Variants in RHBDD1 observed in about 807,000 individuals in gnomAD.
The protein encoded by RHBDD1 is rhomboid-related protein 4.
RHBDD1 carries 38 observed loss-of-function variants against 36.3 expected under a neutral mutation model. That is an observed-to-expected ratio of 1.05 (90% CI 0.81 to 1.37). The LOEUF is 1.37. RHBDD1 is among the 40% of genes most tolerant of loss of function. The pLI is 0.00. For missense variants in RHBDD1, 393 were observed against 377.6 expected, an observed-to-expected ratio of 1.04 and a Z score of -0.34; for synonymous variants, 151 against 136.5, an observed-to-expected ratio of 1.11 and a Z score of -0.74.
At chr2:226,854,757 A>G (rs1943160805) in intron 3 of RHBDD1, among the ~76,000 whole-genome samples, 1 of 152,128 alleles carries the variant, frequency 6.6e-6, no homozygotes, top group Non-Finnish European at 1.5e-5. Flanking sequence ...TTTTTTCCAT[A>G]AAGAGTATCA....
rs925351404 is a variant in RHBDD1 at position 226,904,422 on chromosome 2, G to T, written c.567-2371G>T. On this transcript the variant is annotated intron_variant, in intron 5 of 8. Transcript: ENST00000392062. ...GTGGCACATCCTGCAAGCGGGGGGG[G>T]AGGGGGGTCAGGGAACTCCTGTTTC... is the stretch of plus-strand genomic sequence containing the variant. Among the ~76,000 whole-genome samples the T allele has an allele frequency of 5.4e-5, 8 of 148,398 alleles. 2 individuals are homozygous for T. The highest frequency in any genetic ancestry group is 8.9e-5 in the Non-Finnish European group (6 of 67,076).
chr2:226,813,601 C>G, the RHBDD1 span, among the ~76,000 whole-genome samples: 3 of 152,238 alleles, frequency 2.0e-5, no homozygotes, highest in Non-Finnish European at 4.4e-5. Context: ...TCACTCCGCT[C>G]TGTCACTTGC....
chr2:226,912,543 G>A (rs570125143), intron 7 of RHBDD1, among the ~76,000 whole-genome samples: 23 of 152,126 alleles, frequency 1.5e-4, no homozygotes, highest in Admixed American at 2.0e-4. Context: ...ATGAAGTACC[G>A]ATAAATGTAA....
intron 8 of RHBDD1, among the ~76,000 whole-genome samples, chr2:226,920,407 G>C (rs1261626852): frequency 6.6e-6 from 1 of 152,026 alleles, no homozygotes; most frequent in Non-Finnish European, 1.5e-5. Flanking sequence ...GCTCTAGCTA[G>C]GACTTTCAGT....
intron 3 of RHBDD1, among the ~76,000 whole-genome samples, chr2:226,841,163 C>T (rs1271964313): frequency 6.6e-6 from 1 of 151,974 alleles, no homozygotes; most frequent in Non-Finnish European, 1.5e-5. Flanking sequence ...GACAGAGTCT[C>T]ACTCTGTTAC....
intron 8 of RHBDD1, among the ~76,000 whole-genome samples, chr2:226,965,551 ACATTT>A (rs1952558449): frequency 6.6e-6 from 1 of 152,188 alleles, no homozygotes; most frequent in African/African-American, 2.4e-5. Flanking sequence ...GCTTCTGGAC[ACATTT>A]TGCAGTAAAA....
intron 3 of RHBDD1, among the ~76,000 whole-genome samples, chr2:226,842,010 C>T (rs1014087821): frequency 1.3e-5 from 2 of 152,114 alleles, no homozygotes; most frequent in African/African-American, 4.8e-5. Context: ...GAGATAGTAT[C>T]TCATTGTGGT....
chr2:226,849,365 G>A (rs1942558344), intron 3 of RHBDD1, among the ~76,000 whole-genome samples: 2 of 152,258 alleles, frequency 1.3e-5, no homozygotes, highest in Admixed American at 6.5e-5. Context: ...TGTGCAGGAA[G>A]CATTTGGGAG....
chr2:226,938,037 G>A (rs1575165591), intron 8 of RHBDD1, among the ~76,000 whole-genome samples: 3 of 152,268 alleles, frequency 2.0e-5, no homozygotes, highest in Middle Eastern at 6.8e-3. Context: ...CACAATGGCT[G>A]AACTAATTTA....
chr2:226,822,525 T>C, the RHBDD1 span, among the ~76,000 whole-genome samples: 1 of 148,668 alleles, frequency 6.7e-6, no homozygotes, highest in East Asian at 2.0e-4. Flanking sequence ...ATCCTAGCTA[T>C]ACAGGAGGCT....
intron 8 of RHBDD1, among the ~76,000 whole-genome samples, chr2:226,949,771 C>T (rs1951290722): frequency 6.6e-6 from 1 of 152,078 alleles, no homozygotes. Flanking sequence ...CCTGAGGCTG[C>T]TCTCCTTGGC....
intron 5 of RHBDD1, among the ~76,000 whole-genome samples, chr2:226,905,675 A>G (rs1252256527): frequency 1.3e-5 from 2 of 152,116 alleles, no homozygotes; most frequent in African/African-American, 4.8e-5. Context: ...GACCAGCTGG[A>G]TGATTTTCTT....
At position 226,884,619 on chromosome 2, in the gene RHBDD1, C is replaced by CT. The variant is rs1395356252; in HGVS notation, c.566+17302dup. ...TTTATATTGCCATAGTTTCTGGATT[C>CT]TAAGACACACATCTTTTTATGACAT... On this transcript the variant is annotated intron_variant, in intron 5 of 8. Coordinates refer to ENST00000392062, the MANE Select transcript of RHBDD1 (RefSeq NM_001167608.3). Among the ~76,000 whole-genome samples the CT allele has an allele frequency of 2.0e-5, 3 of 152,038 alleles. No homozygotes were observed. In the East Asian group the frequency reaches 5.8e-4, roughly 29 times the overall value.
At chr2:226,869,586 G>C (rs1043857193) in intron 5 of RHBDD1, among the ~76,000 whole-genome samples, 1 of 152,170 alleles carries the variant, frequency 6.6e-6, no homozygotes, top group African/African-American at 2.4e-5. Context: ...CAAACATTTG[G>C]TGGACCTCTG....
intron 3 of RHBDD1, among the ~76,000 whole-genome samples, chr2:226,847,587 C>T (rs1333341534): frequency 6.6e-6 from 1 of 152,192 alleles, no homozygotes; most frequent in Non-Finnish European, 1.5e-5. Context: ...ATTAGGCAAA[C>T]TTAAGCTTTT....
At chr2:226,995,360 T>A (rs1959158352) in intron 8 of RHBDD1, 71 bp from the exon 9 acceptor site, 1 of 932,904 alleles carries the variant, frequency 1.1e-6, no homozygotes, top group African/African-American at 1.6e-5. Flanking sequence ...CTTTGTTCCC[T>A]TGGAATCCTA....
chr2:226,809,125 G>C, the RHBDD1 span, among the ~76,000 whole-genome samples: 1 of 152,204 alleles, frequency 6.6e-6, no homozygotes, highest in Non-Finnish European at 1.5e-5. Context: ...CATGATACTG[G>C]ATAAAATCAT....
At chr2:226,801,215 G>T in the RHBDD1 span, among the ~76,000 whole-genome samples, 9 of 152,310 alleles carry the variant, frequency 5.9e-5, no homozygotes, top group Admixed American at 3.3e-4. Flanking sequence ...CCGGCGGGCC[G>T]CGGGGGAGCG....
chr2:226,818,955 A>G, the RHBDD1 span, among the ~76,000 whole-genome samples: 3 of 152,178 alleles, frequency 2.0e-5, no homozygotes, highest in East Asian at 1.9e-4. Context: ...GCCCCTTTCA[A>G]TGTGTAGTTT....
Sources: allele counts gnomAD v4.1 joint callset (sites outside exome capture counted in the v4.1 genomes callset), GRCh38; gene constraint gnomAD v4.1.1; transcripts MANE v1.5; gene names NCBI Gene and HGNC (gene_info 2026-07-23, HGNC 2026-07-21).